Variants in CAMTA1 observed in about 807,000 individuals in gnomAD.
CAMTA1 encodes calmodulin binding transcription activator 1, also known as calmodulin-binding transcription activator 1.
CAMTA1 carries 27 observed loss-of-function variants against 170.9 expected under a neutral mutation model. That is an observed-to-expected ratio of 0.16 (90% CI 0.12 to 0.22). The LOEUF (loss-of-function observed/expected upper bound fraction) is 0.22. Ranked by LOEUF, CAMTA1 falls within the 10% of genes least tolerant of loss-of-function variation. CAMTA1 has a pLI of 1.00. For missense variants in CAMTA1, 1,619 were observed against 2,217.2 expected, an observed-to-expected ratio of 0.73 and a Z score of 5.42; for synonymous variants, 833 against 891.5, an observed-to-expected ratio of 0.93 and a Z score of 1.17.
At chr1:7,034,014 C>G (rs1049309660) in intron 3 of CAMTA1, among the ~76,000 whole-genome samples, 14 of 152,112 alleles carry the variant, frequency 9.2e-5, no homozygotes. Flanking sequence ...TCATTGAGTT[C>G]AGGGCTGATT....
At chr1:7,012,374 C>G (rs1699925891) in intron 3 of CAMTA1, among the ~76,000 whole-genome samples, 1 of 152,174 alleles carries the variant, frequency 6.6e-6, no homozygotes, top group African/African-American at 2.4e-5. Context: ...CCCTGTGAGG[C>G]CCTGGCTCTG....
intron 3 of CAMTA1, among the ~76,000 whole-genome samples, chr1:7,053,565 C>T (rs1301574913): frequency 1.3e-5 from 2 of 152,160 alleles, no homozygotes; most frequent in African/African-American, 2.4e-5. Context: ...TGCTGAAGTC[C>T]TCACTGTGAC....
chr1:7,322,968 C>T (rs1031839820), intron 5 of CAMTA1, among the ~76,000 whole-genome samples: 77 of 82,230 alleles, frequency 9.4e-4, no homozygotes, highest in African/African-American at 3.2e-3. Flanking sequence ...CCCCTTCCTC[C>T]GTTCCTCCCT....
chr1:7,460,409 A>C (rs1028199263), intron 5 of CAMTA1, among the ~76,000 whole-genome samples: 1 of 152,176 alleles, frequency 6.6e-6, no homozygotes, highest in Non-Finnish European at 1.5e-5. Flanking sequence ...TTTGCCCGGC[A>C]TGTACACGCT....
At chr1:7,289,242 G>A (rs1672772457) in intron 5 of CAMTA1, among the ~76,000 whole-genome samples, 1 of 152,136 alleles carries the variant, frequency 6.6e-6, no homozygotes, top group South Asian at 2.1e-4. Flanking sequence ...GATTGGGCAG[G>A]GACACAGATC....
intron 4 of CAMTA1, among the ~76,000 whole-genome samples, chr1:7,122,273 T>C (rs964572798): frequency 1.1e-4 from 16 of 152,150 alleles, no homozygotes; most frequent in African/African-American, 3.6e-4. Context: ...TTGAGCTTTA[T>C]TGGGACATGC....
intron 6 of CAMTA1, among the ~76,000 whole-genome samples, chr1:7,529,574 C>G (rs578055517): frequency 6.6e-6 from 1 of 152,122 alleles, no homozygotes; most frequent in Non-Finnish European, 1.5e-5. Context: ...GGATTTGCAC[C>G]GTGCAGGCAG....
chr1:7,155,444 C>T (rs552040788), intron 4 of CAMTA1, among the ~76,000 whole-genome samples: 2 of 151,020 alleles, frequency 1.3e-5, no homozygotes, highest in African/African-American at 4.9e-5. Context: ...CACGGAGAAG[C>T]CTTGAGCTGG....
intron 3 of CAMTA1, among the ~76,000 whole-genome samples, chr1:7,018,870 G>A (rs773749153): frequency 8.5e-5 from 13 of 152,260 alleles, no homozygotes; most frequent in Non-Finnish European, 1.5e-4. Context: ...CTGGTGCTCC[G>A]TTTCTGTTAT....
chr1:7,638,598 G>C (rs35459551), intron 6 of CAMTA1, among the ~76,000 whole-genome samples: 16,286 of 151,676 alleles, frequency 0.11, 1,298 homozygotes, highest in African/African-American at 0.22. Context: ...GCCGATATTA[G>C]GCCACTGCAC....
chr1:6,786,171 G>A (rs1373707965), intron 1 of CAMTA1, among the ~76,000 whole-genome samples: 10 of 152,030 alleles, frequency 6.6e-5, no homozygotes. Flanking sequence ...CGGGCGGGGG[G>A]TCCCCGAGCT....
At chr1:6,810,330 G>A (rs541776818) in intron 1 of CAMTA1, among the ~76,000 whole-genome samples, 2 of 152,180 alleles carry the variant, frequency 1.3e-5, no homozygotes, top group Non-Finnish European at 2.9e-5. Context: ...CTGTTGGCCC[G>A]AGGCTACCCT....
chr1:7,548,275 C>G (rs2094727623), intron 6 of CAMTA1, among the ~76,000 whole-genome samples: 1 of 152,174 alleles, frequency 6.6e-6, no homozygotes, highest in South Asian at 2.1e-4. Flanking sequence ...AGCTCCTTTG[C>G]CACCTCCCCC....
At chr1:7,617,204 T>C (rs1034540977) in intron 6 of CAMTA1, among the ~76,000 whole-genome samples, 2 of 152,190 alleles carry the variant, frequency 1.3e-5, no homozygotes, top group African/African-American at 4.8e-5. Flanking sequence ...AGAATCAAGA[T>C]GACTGACACA....
At chr1:6,908,807 A>G (rs1679102560) in intron 3 of CAMTA1, among the ~76,000 whole-genome samples, 1 of 152,194 alleles carries the variant, frequency 6.6e-6, no homozygotes, top group Non-Finnish European at 1.5e-5. Context: ...GCTCAGTGGG[A>G]CAGCCTGTGC....
chr1:7,231,414 C>G (rs1189903999), intron 4 of CAMTA1, among the ~76,000 whole-genome samples: 1 of 151,952 alleles, frequency 6.6e-6, no homozygotes, highest in Non-Finnish European at 1.5e-5. Context: ...GTCGCCCAGG[C>G]TGGAGTGCAG....
chr1:6,917,563 G>T (rs192822979), intron 3 of CAMTA1, among the ~76,000 whole-genome samples: 1 of 151,886 alleles, frequency 6.6e-6, no homozygotes, highest in African/African-American at 2.4e-5. Flanking sequence ...CATTGAGGGT[G>T]GGGGGAAGGG....
At chr1:6,813,272 T>A (rs1205676995) in intron 1 of CAMTA1, among the ~76,000 whole-genome samples, 2 of 152,156 alleles carry the variant, frequency 1.3e-5, no homozygotes, top group Non-Finnish European at 2.9e-5. Flanking sequence ...TCTCATAAAA[T>A]CGTTAACCTG....
intron 6 of CAMTA1, among the ~76,000 whole-genome samples, chr1:7,517,024 G>T (rs1191001337): frequency 1.3e-5 from 2 of 151,950 alleles, no homozygotes; most frequent in African/African-American, 4.8e-5. Context: ...TTTAGTGTCT[G>T]AACTTCTGAG....
Sources: gnomAD v4.1 joint callset for allele counts (sites outside exome capture counted in the v4.1 genomes callset) on GRCh38, gnomAD v4.1.1 for gene constraint, MANE v1.5 for transcripts, NCBI Gene and HGNC (gene_info 2026-07-23, HGNC 2026-07-21) for gene names.